The following FHOD3 variants were observed in gnomAD, a reference collection of about 807,000 sequenced individuals.
FHOD3 encodes the protein formin homology 2 domain containing 3.
A neutral mutation model predicts 173.0 loss-of-function variants in FHOD3; 90 were observed. The ratio of observed to expected loss-of-function variants is 0.52; its 90% CI spans 0.44 to 0.62. FHOD3 has a LOEUF of 0.62. FHOD3 is among the 20% of genes least tolerant of loss of function. The pLI, the probability that FHOD3 is intolerant of heterozygous loss-of-function variation, is 0.00. For synonymous variants in FHOD3, 828 were observed against 823.0 expected (o/e 1.01, Z -0.10); for missense variants, 1,945 against 2,034.7 (o/e 0.96, Z 0.85).
chr18:36,375,946 C>T (rs999065906), intron 3 of FHOD3, among the ~76,000 whole-genome samples: 3 of 152,216 alleles, frequency 2.0e-5, no homozygotes, highest in East Asian at 1.9e-4. Context: ...AATCTAGCTT[C>T]GATCTTTTCA....
intron 3 of FHOD3, 35 bp from the exon 4 acceptor site, chr18:36,501,897 T>G: frequency 7.0e-7 from 1 of 1,431,938 alleles, no homozygotes; most frequent in Non-Finnish European, 9.6e-7. Context: ...ATAGAGTCAG[T>G]TTAATTAATT....
At chr18:36,380,390 A>G (rs541004144) in intron 3 of FHOD3, among the ~76,000 whole-genome samples, 3 of 152,156 alleles carry the variant, frequency 2.0e-5, no homozygotes, top group African/African-American at 7.2e-5. Context: ...TCATTGGGGC[A>G]AGGGATAGAG....
intron 3 of FHOD3, among the ~76,000 whole-genome samples, chr18:36,435,036 A>G (rs566474294): frequency 1.8e-4 from 28 of 151,710 alleles, no homozygotes; most frequent in African/African-American, 3.1e-4. Flanking sequence ...TATTTGGTCA[A>G]TGTATATTAA....
intron 5 of FHOD3, among the ~76,000 whole-genome samples, chr18:36,530,897 C>T (rs1161835246): frequency 6.6e-6 from 1 of 152,128 alleles, no homozygotes; most frequent in African/African-American, 2.4e-5. Context: ...CCCTGAGGCC[C>T]CTGCGGTGAG....
chr18:36,698,064 T>A (rs567543667), intron 17 of FHOD3, among the ~76,000 whole-genome samples: 1 of 152,328 alleles, frequency 6.6e-6, no homozygotes, highest in Non-Finnish European at 1.5e-5. Flanking sequence ...CTAGTTCTCT[T>A]GCATAAACCT....
At chr18:36,655,396 G>C (rs1568558394) in intron 13 of FHOD3, among the ~76,000 whole-genome samples, 1 of 152,022 alleles carries the variant, frequency 6.6e-6, no homozygotes, top group South Asian at 2.1e-4. Flanking sequence ...CTTCCCGTTT[G>C]GTCTGCAAGC....
chr18:36,545,220 G>A (rs984291690), intron 5 of FHOD3, among the ~76,000 whole-genome samples: 9 of 152,158 alleles, frequency 5.9e-5, no homozygotes, highest in African/African-American at 2.2e-4. Context: ...TGGTGAACAA[G>A]ACACACATGG....
intron 1 of FHOD3, among the ~76,000 whole-genome samples, chr18:36,346,319 T>G (rs1393198463): frequency 6.6e-6 from 1 of 152,148 alleles, no homozygotes; most frequent in African/African-American, 2.4e-5. Flanking sequence ...TGAGTCTTGT[T>G]CATGCCACTG....
chr18:36,709,059 T>C, intron 17 of FHOD3, 36 bp from the exon 18 acceptor site: 1 of 1,591,378 alleles, frequency 6.3e-7, no homozygotes, highest in South Asian at 1.1e-5. Context: ...CCAAGAAATC[T>C]GTCGTCAATA....
intron 3 of FHOD3, among the ~76,000 whole-genome samples, chr18:36,483,948 A>G (rs56312610): frequency 0.1 from 15,417 of 152,292 alleles, 868 homozygotes; most frequent in East Asian, 0.22. Flanking sequence ...GCATCCTCCC[A>G]GGACCATTCA....
chr18:36,772,962 G>A (rs958096913), intron 28 of FHOD3, among the ~76,000 whole-genome samples: 1 of 152,202 alleles, frequency 6.6e-6, no homozygotes, highest in Admixed American at 6.5e-5. Flanking sequence ...CAAGACACAG[G>A]ACAAGAGGAT....
chr18:36,710,180 G>A (rs2040092051), intron 18 of FHOD3: 1 of 152,192 alleles, frequency 6.6e-6, no homozygotes, highest in Non-Finnish European at 1.5e-5. Context: ...GAGGGTTATA[G>A]GAATCGTGAA....
At position 36,747,151 on chromosome 18, in the gene FHOD3, A is replaced by G. The variant is rs766218091; in HGVS notation, c.4232+16A>G. Reference sequence around the variant, plus strand: ...TAATCAACAGGTAAGTGGATTGAGGAACTTATAGAAATATCAGTACAATGG... The same window carrying G: ...TAATCAACAGGTAAGTGGATTGAGGGACTTATAGAAATATCAGTACAATGG... On this transcript the variant is annotated intron_variant, in intron 24 of 28. Coordinates refer to ENST00000590592, the MANE Select transcript of FHOD3 (RefSeq NM_001281740.3). 6.3e-7 allele frequency: 1 copy of G among 1,582,690 alleles called. No homozygotes were observed. The highest frequency in any genetic ancestry group is 1.2e-5 in the South Asian group (1 of 85,924).
At chr18:36,481,813 TA>T (rs567702424) in intron 3 of FHOD3, among the ~76,000 whole-genome samples, 19 of 149,706 alleles carry the variant, frequency 1.3e-4, no homozygotes, top group South Asian at 4.2e-4. Context: ...CCTACCCATT[TA>T]AAAAAAAAAG....
intron 10 of FHOD3, among the ~76,000 whole-genome samples, chr18:36,640,883 AT>A (rs2035256237): frequency 6.6e-6 from 1 of 152,112 alleles, no homozygotes; most frequent in Non-Finnish European, 1.5e-5. Context: ...AACAGTTTAG[AT>A]TCTGCTTTAA....
intron 1 of FHOD3, among the ~76,000 whole-genome samples, chr18:36,347,383 TTGTC>T (rs1455629586): frequency 1.3e-4 from 20 of 152,212 alleles, no homozygotes; most frequent in African/African-American, 4.1e-4. Context: ...CATCCGGCCT[TTGTC>T]TTTCTTGCAG....
chr18:36,740,372 A>T lies in FHOD3; in HGVS notation c.3577-284A>T, dbSNP rs180834337. 1.6e-4 allele frequency among the ~76,000 whole-genome samples: 24 copies of T among 152,182 alleles called. No homozygotes were observed. The East Asian group carries it at 3.9e-3, about 25-fold the overall frequency. On this transcript the variant is annotated intron_variant, in intron 20 of 28. Transcript: ENST00000590592. The stretch of plus-strand genomic sequence containing the variant: ...AAAGCATATCTTTTTTACATGTCTT[A>T]CTCTACTTCCTAGGGAATAGGGAGC...
chr18:36,672,839 C>T (rs1256987012), intron 14 of FHOD3, among the ~76,000 whole-genome samples: 1 of 152,238 alleles, frequency 6.6e-6, no homozygotes, highest in East Asian at 1.9e-4. Flanking sequence ...TAATTGCAGG[C>T]TATCTGGCAG....
At chr18:36,303,114 T>C (rs2091998147) in intron 1 of FHOD3, among the ~76,000 whole-genome samples, 1 of 152,214 alleles carries the variant, frequency 6.6e-6, no homozygotes, top group Non-Finnish European at 1.5e-5. Flanking sequence ...GGCTGCACTG[T>C]AGGTCTCCAT....
Sources: allele counts gnomAD v4.1 joint callset (sites outside exome capture counted in the v4.1 genomes callset), GRCh38; gene constraint gnomAD v4.1.1; transcripts MANE v1.5; gene names NCBI Gene and HGNC (gene_info 2026-07-23, HGNC 2026-07-21).